The following CDH13 variants were observed in gnomAD, a reference collection of about 807,000 sequenced individuals.
CDH13 encodes cadherin-13.
CDH13 carries 24 observed loss-of-function variants against 63.8 expected under a neutral mutation model. The ratio of observed to expected loss-of-function variants is 0.38; its 90% CI spans 0.27 to 0.53. The LOEUF (loss-of-function observed/expected upper bound fraction) is 0.53. CDH13 is among the 20% of genes least tolerant of loss of function. The pLI is 0.85. For missense variants in CDH13, 1,049 were observed against 903.1 expected (o/e 1.16, Z -2.07); for synonymous variants, 503 against 355.3 (o/e 1.42, Z -4.67).
At chr16:83,136,684 C>T (rs1271922608) in intron 4 of CDH13, among the ~76,000 whole-genome samples, 1 of 151,992 alleles carries the variant, frequency 6.6e-6, no homozygotes, top group Non-Finnish European at 1.5e-5. Context: ...AGTGGACAGA[C>T]GATCAAACAC....
chr16:83,014,081 A>G (rs1258734964), intron 2 of CDH13, among the ~76,000 whole-genome samples: 1 of 150,182 alleles, frequency 6.7e-6, no homozygotes, highest in Admixed American at 6.7e-5. Flanking sequence ...GAAAAAAGCA[A>G]AAAGAACAAG....
At chr16:83,649,902 C>T (rs1912200392) in intron 8 of CDH13, among the ~76,000 whole-genome samples, 1 of 152,212 alleles carries the variant, frequency 6.6e-6, no homozygotes, top group Non-Finnish European at 1.5e-5. Flanking sequence ...CACAGCTAAG[C>T]TGGTCCAAAG....
chr16:82,750,110 G>A (rs2034347916), intron 1 of CDH13, among the ~76,000 whole-genome samples: 1 of 152,140 alleles, frequency 6.6e-6, no homozygotes, highest in Non-Finnish European at 1.5e-5. Context: ...TGTGATTCCT[G>A]GAGGACATAA....
intron 1 of CDH13, among the ~76,000 whole-genome samples, chr16:82,698,939 C>G (rs1321635782): frequency 1.3e-5 from 2 of 151,770 alleles, no homozygotes. Flanking sequence ...TTTTAATAAT[C>G]CTTTAAAAAT....
intron 6 of CDH13, among the ~76,000 whole-genome samples, chr16:83,421,852 G>A (rs2071725933): frequency 6.6e-6 from 1 of 152,146 alleles, no homozygotes; most frequent in African/African-American, 2.4e-5. Context: ...TAGTTCTTTT[G>A]AATAAGCTGA....
At chr16:83,527,305 T>G (rs1302149822) in intron 7 of CDH13, among the ~76,000 whole-genome samples, 1 of 151,498 alleles carries the variant, frequency 6.6e-6, no homozygotes, top group East Asian at 2.0e-4. Flanking sequence ...AAAAATTAGC[T>G]GGGCATGGTG....
chr16:83,440,457 G>C (rs1286214392), intron 6 of CDH13, among the ~76,000 whole-genome samples: 1 of 152,078 alleles, frequency 6.6e-6, no homozygotes, highest in Non-Finnish European at 1.5e-5. Flanking sequence ...GGGAGGAGGG[G>C]TCTCTGCAAA....
chr16:83,223,027 C>G (rs1351191871), intron 5 of CDH13, among the ~76,000 whole-genome samples: 1 of 150,650 alleles, frequency 6.6e-6, no homozygotes, highest in African/African-American at 2.4e-5. Flanking sequence ...TCTGGACAAT[C>G]AGATATGTCT....
chr16:82,638,085 T>C (rs886217171), intron 1 of CDH13, among the ~76,000 whole-genome samples: 1 of 152,248 alleles, frequency 6.6e-6, no homozygotes, highest in Non-Finnish European at 1.5e-5. Flanking sequence ...CTTTGCTCCT[T>C]TGCTTCCTTT....
chr16:83,727,810 C>T (rs905871155), intron 10 of CDH13, among the ~76,000 whole-genome samples: 1 of 152,098 alleles, frequency 6.6e-6, no homozygotes, highest in South Asian at 2.1e-4. Flanking sequence ...GACAACTTTG[C>T]TCACCAGTCA....
intron 1 of CDH13, among the ~76,000 whole-genome samples, chr16:82,832,656 G>A (rs578148734): frequency 6.6e-6 from 1 of 151,330 alleles, no homozygotes; most frequent in South Asian, 2.1e-4. Flanking sequence ...ACCCCAAAAT[G>A]AAACAAAACA....
chr16:83,666,097 T>G (rs1913926218), intron 8 of CDH13, among the ~76,000 whole-genome samples: 1 of 152,222 alleles, frequency 6.6e-6, no homozygotes, highest in East Asian at 1.9e-4. Flanking sequence ...AAAAGTAACT[T>G]TATCTATTTT....
chr16:83,171,550 C>G, intron 4 of CDH13: 1 of 1,534,364 alleles, frequency 6.5e-7, no homozygotes, highest in Non-Finnish European at 8.7e-7. Context: ...CTGTGCCTAG[C>G]ACGATGGCTG....
intron 6 of CDH13, among the ~76,000 whole-genome samples, chr16:83,481,030 A>G (rs1040513068): frequency 6.6e-6 from 1 of 152,148 alleles, no homozygotes; most frequent in African/African-American, 2.4e-5. Flanking sequence ...CACAGAAAGC[A>G]TGGTTTGATT....
intron 6 of CDH13, among the ~76,000 whole-genome samples, chr16:83,380,762 TCATCA>T (rs1291894531): frequency 6.6e-6 from 1 of 151,786 alleles, no homozygotes; most frequent in Non-Finnish European, 1.5e-5. Context: ...GGGCCAGAAT[TCATCA>T]CATGGCCATG....
intron 7 of CDH13, among the ~76,000 whole-genome samples, chr16:83,497,717 CAT>C (rs1396979281): frequency 6.6e-6 from 1 of 152,050 alleles, no homozygotes; most frequent in Non-Finnish European, 1.5e-5. Context: ...GTCATCAAAA[CAT>C]AGACAGCAGG....
intron 7 of CDH13, among the ~76,000 whole-genome samples, chr16:83,549,276 C>T (rs1356605336): frequency 1.3e-5 from 2 of 152,202 alleles, no homozygotes; most frequent in African/African-American, 2.4e-5. Context: ...CTCTCCAGGT[C>T]ACCTCTCTGT....
intron 3 of CDH13, among the ~76,000 whole-genome samples, chr16:83,113,985 A>T (rs1361519461): frequency 6.6e-6 from 1 of 152,132 alleles, no homozygotes; most frequent in Non-Finnish European, 1.5e-5. Context: ...TTTGTAAAAG[A>T]TCTCGCTGGC....
At chr16:82,806,122 C>G (rs2037125457) in intron 1 of CDH13, among the ~76,000 whole-genome samples, 1 of 152,134 alleles carries the variant, frequency 6.6e-6, no homozygotes, top group African/African-American at 2.4e-5. Flanking sequence ...AGTTTGCCAG[C>G]CTTCTCTCCA....
Sources: allele counts gnomAD v4.1 joint callset (sites outside exome capture counted in the v4.1 genomes callset), GRCh38; gene constraint gnomAD v4.1.1; transcripts MANE v1.5; gene names NCBI Gene and HGNC (gene_info 2026-07-23, HGNC 2026-07-21).